STK32B: variants seen among roughly 807,000 people sequenced by gnomAD.
STK32B encodes serine/threonine-protein kinase 32B.
Under a neutral mutation model 52.6 loss-of-function variants are expected in STK32B, and 43 were observed. The observed-to-expected ratio is 0.82, with a 90% confidence interval of 0.64 to 1.05. The LOEUF is 1.05. Ranked by LOEUF, STK32B falls within the 50% of genes least tolerant of loss-of-function variation. The probability of loss-of-function intolerance (pLI) is 0.00; values close to 1 mark genes in which losing one functional copy is unlikely to be tolerated. For missense variants in STK32B, 621 were observed against 534.6 expected (o/e 1.16, Z -1.59); for synonymous variants, 238 against 204.3 (o/e 1.17, Z -1.41).
chr4:5,273,145 G>GA (rs1262099432), intron 3 of STK32B, among the ~76,000 whole-genome samples: 93 of 145,002 alleles, frequency 6.4e-4, no homozygotes, highest in Non-Finnish European at 1.2e-3. Flanking sequence ...ACATTTACAA[G>GA]AAAAAAACAA....
chr4:5,032,155 C>G, the STK32B span, among the ~76,000 whole-genome samples: 3 of 150,150 alleles, frequency 2.0e-5, no homozygotes, highest in Non-Finnish European at 4.4e-5. Context: ...CCAGTTATGA[C>G]TCCTGAGCTC....
intron 6 of STK32B, among the ~76,000 whole-genome samples, chr4:5,418,877 G>C (rs569290123): frequency 2.0e-5 from 3 of 152,330 alleles, no homozygotes; most frequent in Admixed American, 6.5e-5. Context: ...TGCAGTGGGG[G>C]AGGAGGCTTA....
Position 5,051,698 on chromosome 4 carries a change from G to A in STK32B, c.-166G>A, listed in dbSNP as rs1741788273. 8 of 798,642 alleles carry A rather than the reference G, an allele frequency of 1.0e-5. No individual in the cohort carries two copies. The South Asian group carries it at 1.6e-4, about 16-fold the overall frequency. 49.5% of individuals were successfully genotyped at this position (798,642 alleles called of 1,614,324 possible). ...GTCGGAAGGGCGTCCAGGAGAAGGG[G>A]GACGCCGTCCCCGCCCCTGCACGGT... On this transcript the variant is annotated 5_prime_UTR_variant, in exon 1 of 12. Coordinates refer to ENST00000282908, the MANE Select transcript of STK32B (RefSeq NM_018401.3).
chr4:5,167,647 G>A lies in STK32B; in HGVS notation c.109-652G>A, dbSNP rs78343655. 5.2e-3 allele frequency among the ~76,000 whole-genome samples: 793 copies of A among 152,324 alleles called. 7 individuals carry two copies. Among genetic ancestry groups the A allele is most frequent in the Middle Eastern group, 0.027 (8 of 294 alleles). On this transcript the variant is annotated intron_variant, in intron 2 of 11. Transcript: ENST00000282908. ...GGGGCTAGGCAAACTTACAAACTCC[G>A]GGAGCCAGTGTAAACACTGGCATCA...
chr4:5,209,908 TC>T (rs1722804210), intron 3 of STK32B, among the ~76,000 whole-genome samples: 1 of 152,222 alleles, frequency 6.6e-6, no homozygotes, highest in African/African-American at 2.4e-5. Flanking sequence ...CTAGATTGTT[TC>T]CTCTATACCA....
chr4:5,484,323 A>G (rs1215690356), intron 11 of STK32B, among the ~76,000 whole-genome samples: 1 of 152,142 alleles, frequency 6.6e-6, no homozygotes, highest in Non-Finnish European at 1.5e-5. Context: ...TGTTGAATTG[A>G]TCCCTTTACC....
chr4:5,475,007 T>C (rs1379408512), intron 11 of STK32B, among the ~76,000 whole-genome samples: 1 of 152,114 alleles, frequency 6.6e-6, no homozygotes, highest in Admixed American at 6.5e-5. Flanking sequence ...CTCAGTGACC[T>C]GACGCAGCGG....
At chr4:5,185,776 G>A (rs1022983558) in intron 3 of STK32B, among the ~76,000 whole-genome samples, 2 of 152,234 alleles carry the variant, frequency 1.3e-5, no homozygotes, top group Admixed American at 6.5e-5. Context: ...TGCCTACCAC[G>A]CCTCTGCATA....
At chr4:5,140,955 G>A (rs536643060) in intron 2 of STK32B, among the ~76,000 whole-genome samples, 1 of 152,260 alleles carries the variant, frequency 6.6e-6, no homozygotes, top group East Asian at 1.9e-4. Context: ...TGGTACATTA[G>A]ATAATGATAA....
rs922009532 is a variant in STK32B, at chr4:5,051,824, C to A, written c.-40C>A. The stretch of plus-strand genomic sequence containing the variant: ...CGTCCCACATCCCGCATCCGGCATC[C>A]CAGCGGCCGGGCATGTAGCAGCGGC... On this transcript the variant is annotated 5_prime_UTR_variant, in exon 1 of 12. Coordinates refer to ENST00000282908, the MANE Select transcript of STK32B (RefSeq NM_018401.3). 4 of 1,573,424 alleles carry A rather than the reference C, an allele frequency of 2.5e-6. No individual in the cohort carries two copies. The African/African-American group carries it at 5.4e-5, about 21-fold the overall frequency.
At chr4:5,194,973 C>T (rs1721525631) in intron 3 of STK32B, among the ~76,000 whole-genome samples, 2 of 152,204 alleles carry the variant, frequency 1.3e-5, no homozygotes, top group Non-Finnish European at 2.9e-5. Flanking sequence ...CACCTCCCAC[C>T]ATGCCCTGCC....
At chr4:5,360,238 A>G (rs1309208579) in intron 4 of STK32B, among the ~76,000 whole-genome samples, 1 of 152,224 alleles carries the variant, frequency 6.6e-6, no homozygotes, top group Non-Finnish European at 1.5e-5. Flanking sequence ...TGCCAGACCC[A>G]GTGCCACGTT....
chr4:5,333,548 G>C lies in STK32B; in HGVS notation c.434+2155G>C, dbSNP rs559704096. Among the ~76,000 whole-genome samples, 188 of 152,240 alleles carry C rather than the reference G, an allele frequency of 1.2e-3. 2 individuals are homozygous for C. Among genetic ancestry groups the C allele is most frequent in the African/African-American group, 4.2e-3 (175 of 41,552 alleles). On this transcript the variant is annotated intron_variant, in intron 4 of 11. Coordinates refer to ENST00000282908, the MANE Select transcript of STK32B (RefSeq NM_018401.3). The stretch of plus-strand genomic sequence containing the variant: ...TTGGTGTTTTAGACATGAAGTCCTT[G>C]CCCATGCCTATGTCCTGAATGGTAA...
At chr4:5,296,426 C>G (rs1729202132) in intron 3 of STK32B, among the ~76,000 whole-genome samples, 1 of 152,160 alleles carries the variant, frequency 6.6e-6, no homozygotes, top group Admixed American at 6.6e-5. Flanking sequence ...TAAGAACTTG[C>G]TTTATGAATC....
In STK32B at chr4:5,378,642, T is replaced by C. The variant is rs1456953221; in HGVS notation, c.435-19565T>C. Among the ~76,000 whole-genome samples the C allele has an allele frequency of 6.6e-6, 1 of 152,192 alleles. No homozygotes were observed. The highest frequency in any genetic ancestry group is 1.5e-5 in the Non-Finnish European group (1 of 68,040). On this transcript the variant is annotated intron_variant, in intron 4 of 11. Transcript: ENST00000282908. The surrounding 1 kb of genome is among the most constrained non-coding windows in gnomAD (Gnocchi z 4.4). ...TATGGGTACATAGTAGGTGTGTATA[T>C]GTATGGGGTACATGAGATGTTTTGA...
chr4:5,125,634 A>T (rs530503292), intron 1 of STK32B, among the ~76,000 whole-genome samples: 1 of 152,162 alleles, frequency 6.6e-6, no homozygotes, highest in Non-Finnish European at 1.5e-5. Context: ...GGCCAAATGC[A>T]TATGTCTGGG....
intron 7 of STK32B, among the ~76,000 whole-genome samples, chr4:5,455,444 C>A (rs1479555824): frequency 6.6e-6 from 1 of 152,236 alleles, no homozygotes; most frequent in African/African-American, 2.4e-5. Flanking sequence ...ATCAGCTCCT[C>A]CCCTGGCGGG....
intron 11 of STK32B, among the ~76,000 whole-genome samples, chr4:5,485,089 G>A (rs1719039434): frequency 6.6e-6 from 1 of 151,834 alleles, no homozygotes; most frequent in Non-Finnish European, 1.5e-5. Flanking sequence ...TTCTCGTGGA[G>A]TATCTTGGTG....
Position 5,064,811 on chromosome 4 carries a change from CATATATAATATATAA to C in STK32B, c.52+12916_52+12930del, listed in dbSNP as rs1318130997. ...TATAAATATATACTTATGTTGTATACATATATAATATATAAATATATAATATATAAATATGCATAT... is the reference window on the plus strand; with the variant it reads ...TATAAATATATACTTATGTTGTATACATATATAATATATAAATATGCATAT... On this transcript the variant is annotated intron_variant, in intron 1 of 11. Coordinates refer to ENST00000282908, the MANE Select transcript of STK32B (RefSeq NM_018401.3). Among the ~76,000 whole-genome samples, 128 of 135,832 alleles carry C rather than the reference CATATATAATATATAA, an allele frequency of 9.4e-4. 2 individuals carry two copies. Among genetic ancestry groups the C allele is most frequent in the East Asian group, 6.0e-3 (29 of 4,858 alleles). The allele number at this position is 135,832 out of a possible 152,430, so 89.1% of individuals were successfully genotyped here.
Sources: gnomAD v4.1 joint callset for allele counts (sites outside exome capture counted in the v4.1 genomes callset) on GRCh38, gnomAD v4.1.1 for gene constraint, Gnocchi (gnomAD v3.1) non-coding constraint, MANE v1.5 for transcripts, NCBI Gene and HGNC (gene_info 2026-07-23, HGNC 2026-07-21) for gene names.